Variants in COL27A1 observed in about 807,000 individuals in gnomAD.
The protein encoded by COL27A1 is collagen type XXVII alpha 1 chain.
A neutral mutation model predicts 251.3 loss-of-function variants in COL27A1; 106 were observed. The ratio of observed to expected loss-of-function variants is 0.42; its 90% CI spans 0.36 to 0.50. The LOEUF is 0.50. COL27A1 is among the 20% of genes least tolerant of loss of function. The pLI is 0.00. For missense variants in COL27A1, 2,325 were observed against 2,522.8 expected, an observed-to-expected ratio of 0.92 and a Z score of 1.68; for synonymous variants, 1,000 against 986.3, an observed-to-expected ratio of 1.01 and a Z score of -0.26.
At position 114,168,096 on chromosome 9, in the gene COL27A1, G is replaced by A; in HGVS notation, c.541G>A (p.Val181Ile). The A allele has an allele frequency of 6.2e-7, 1 of 1,611,788 alleles. No homozygotes were observed. Among genetic ancestry groups the A allele is most frequent in the East Asian group, 2.2e-5 (1 of 44,872 alleles). The part of the protein sequence containing the change: ...VTACGQRRVP[V>I]LLPFHRDPAL... ...TGCCTGCGGGCAGCGCCGGGTGCCT[G>A]TCCTGCTGCCTTTCCACAGGGACCC... Residue 181 changes from valine (V) to isoleucine (I), a missense_variant, in exon 3 of 61, where the codon GTC becomes ATC. Transcript: ENST00000356083.
chr9:114,228,312 G>A (rs895412352), intron 14 of COL27A1, among the ~76,000 whole-genome samples: 47 of 152,238 alleles, frequency 3.1e-4, no homozygotes, highest in Non-Finnish European at 1.2e-4. Flanking sequence ...TCTGCCTGCC[G>A]CCCTGCCTGG....
intron 4 of COL27A1, among the ~76,000 whole-genome samples, chr9:114,181,306 G>C (rs1175652475): frequency 1.3e-5 from 2 of 152,168 alleles, no homozygotes; most frequent in Admixed American, 1.3e-4. Context: ...AGGGTCACAA[G>C]AGGCACTGAG....
At chr9:114,200,686 C>T (rs995651344) in intron 7 of COL27A1, among the ~76,000 whole-genome samples, 4 of 152,218 alleles carry the variant, frequency 2.6e-5, no homozygotes, top group African/African-American at 9.6e-5. Context: ...CTTGGAGAGG[C>T]CAGCTGGGGA....
intron 28 of COL27A1, among the ~76,000 whole-genome samples, chr9:114,260,773 C>T (rs534403553): frequency 7.2e-5 from 11 of 152,270 alleles, no homozygotes; most frequent in South Asian, 4.1e-4. Context: ...GATGGGCCTA[C>T]GGCAAGTCTC....
chr9:114,308,826 G>A (rs1043006402), intron 59 of COL27A1, among the ~76,000 whole-genome samples: 1 of 152,180 alleles, frequency 6.6e-6, no homozygotes, highest in Non-Finnish European at 1.5e-5. Flanking sequence ...TGCCATTTCC[G>A]GCAGCACCCC....
chr9:114,299,042 A>C (rs991785767), intron 49 of COL27A1, among the ~76,000 whole-genome samples: 1 of 152,224 alleles, frequency 6.6e-6, no homozygotes, highest in Non-Finnish European at 1.5e-5. Context: ...AAAACCACCA[A>C]GAGAACCACC....
chr9:114,190,567 C>T (rs565828403), intron 5 of COL27A1, among the ~76,000 whole-genome samples: 1 of 152,322 alleles, frequency 6.6e-6, no homozygotes, highest in African/African-American at 2.4e-5. Flanking sequence ...CATGCCTGGC[C>T]AGAATTTCCA....
At chr9:114,174,215 G>A (rs1462043200) in intron 3 of COL27A1, among the ~76,000 whole-genome samples, 2 of 152,102 alleles carry the variant, frequency 1.3e-5, no homozygotes, top group African/African-American at 4.8e-5. Context: ...CTGACCTCCA[G>A]GCAGGGCCCA....
chr9:114,303,771 G>T (rs1416402034), intron 56 of COL27A1, among the ~76,000 whole-genome samples: 1 of 152,152 alleles, frequency 6.6e-6, no homozygotes, highest in African/African-American at 2.4e-5. Flanking sequence ...GCAAGACCAC[G>T]GCTATGTCTC....
At chr9:114,306,305 C>T (rs1042733869) in intron 57 of COL27A1, 1 of 537,952 alleles carries the variant, frequency 1.9e-6, no homozygotes, top group Admixed American at 3.2e-5. Context: ...GAGCTCTTTT[C>T]AAGCCTCTGA....
At chr9:114,289,161 T>TC in intron 44 of COL27A1, 81 bp from the exon 45 acceptor site, 1 of 289,664 alleles carries the variant, frequency 3.5e-6, no homozygotes. Context: ...TCCCCACCCC[T>TC]CCCCCTCCAG....
chr9:114,304,026 G>C (rs1828852553), intron 56 of COL27A1, among the ~76,000 whole-genome samples: 2 of 152,248 alleles, frequency 1.3e-5, no homozygotes, highest in Admixed American at 1.3e-4. Context: ...TGACTGTCCT[G>C]GAGGATGTTT....
In COL27A1 at chr9:114,252,877, AGGGTCATCCTGGAATGCCAGGTGGTATG is replaced by A; in HGVS notation, c.3090_3117del (p.His1031ProfsTer19). The A allele has an allele frequency of 6.2e-7, 1 of 1,613,890 alleles. No individual in the cohort carries two copies. The highest frequency in any genetic ancestry group is 8.5e-7 in the Non-Finnish European group (1 of 1,179,832). On this transcript the variant is annotated splice_acceptor_variant and coding_sequence_variant, in exon 27 of 61. Coordinates refer to ENST00000356083, the MANE Select transcript of COL27A1 (RefSeq NM_032888.4). LOFTEE classifies it high-confidence loss of function. Reference sequence around the variant, plus strand: ...CCTCCTTTGTCTTCTCTGTCTTGGCAGGGTCATCCTGGAATGCCAGGTGGTATGGGGACCCCTGGAGAGCCTGGACCCC... The same window carrying A: ...CCTCCTTTGTCTTCTCTGTCTTGGCAGGGACCCCTGGAGAGCCTGGACCCC...
intron 10 of COL27A1, 129 bp downstream of exon 10, chr9:114,206,425 C>A (rs1027205450): frequency 2.2e-6 from 2 of 902,492 alleles, no homozygotes; most frequent in East Asian, 2.6e-5. Flanking sequence ...TGCTCCCGGA[C>A]AACAGAGGGG....
intron 27 of COL27A1, among the ~76,000 whole-genome samples, chr9:114,253,524 G>T (rs1454903814): frequency 6.6e-6 from 1 of 151,944 alleles, no homozygotes; most frequent in Non-Finnish European, 1.5e-5. Context: ...CAGAAGAACA[G>T]AAGAGAAGAG....
chr9:114,288,864 C>T (rs778304924), intron 43 of COL27A1, 50 bp from the exon 44 acceptor site: 42 of 1,610,788 alleles, frequency 2.6e-5, no homozygotes, highest in Admixed American at 5.0e-5. Flanking sequence ...TGCTGCCTCC[C>T]AGCCCTCTGC....
chr9:114,166,199 T>C (rs1317132119), intron 2 of COL27A1, among the ~76,000 whole-genome samples: 1 of 147,062 alleles, frequency 6.8e-6, no homozygotes, highest in Non-Finnish European at 1.5e-5. Context: ...ATTTATCTAT[T>C]CATCCATCCA....
chr9:114,304,703 T>C, intron 57 of COL27A1, 30 bp downstream of exon 57: 1 of 1,603,474 alleles, frequency 6.2e-7, no homozygotes, highest in Non-Finnish European at 8.5e-7. Flanking sequence ...CCATGTGGGA[T>C]CCCTTCCTGG....
At chr9:114,159,377 C>T (rs1194267394) in intron 1 of COL27A1, among the ~76,000 whole-genome samples, 1 of 152,106 alleles carries the variant, frequency 6.6e-6, no homozygotes, top group Non-Finnish European at 1.5e-5. Context: ...CCCACCTCGC[C>T]TTTCTTTATC....
Sources: gnomAD v4.1 joint callset for allele counts (sites outside exome capture counted in the v4.1 genomes callset) on GRCh38, gnomAD v4.1.1 for gene constraint, MANE v1.5 for transcripts, NCBI Gene and HGNC (gene_info 2026-07-23, HGNC 2026-07-21) for gene names.